The following GNB1 variants were observed in gnomAD, a reference collection of about 807,000 sequenced individuals.
The protein encoded by GNB1 is G protein subunit beta 1.
GNB1 carries 2 observed loss-of-function variants against 42.9 expected under a neutral mutation model. The observed-to-expected ratio is 0.05, with a 90% CI of 0.02 to 0.15. The LOEUF is 0.15. GNB1 is among the 10% of genes least tolerant of loss of function. The pLI is 1.00. For missense variants in GNB1, 193 were observed against 462.2 expected (o/e 0.42, Z 5.34); for synonymous variants, 183 against 174.7 (o/e 1.05, Z -0.38).
chr1:1,847,023 G>GA (rs1456735359), intron 1 of GNB1, among the ~76,000 whole-genome samples: 1 of 152,010 alleles, frequency 6.6e-6, no homozygotes, highest in South Asian at 2.1e-4. Context: ...AATCATTGAG[G>GA]AAAAGAAAAT....
chr1:1,843,918 G>A (rs1487694077), intron 1 of GNB1, among the ~76,000 whole-genome samples: 3 of 151,890 alleles, frequency 2.0e-5, no homozygotes, highest in Non-Finnish European at 4.4e-5. Flanking sequence ...ATTACTGGCC[G>A]GGTGCGGTGG....
At chr1:1,880,375 C>A (rs773894601) in intron 1 of GNB1, among the ~76,000 whole-genome samples, 38 of 151,944 alleles carry the variant, frequency 2.5e-4, no homozygotes, top group Non-Finnish European at 2.4e-4. Flanking sequence ...CCGAGGCAGG[C>A]GGATCACGAG....
intron 3 of GNB1, among the ~76,000 whole-genome samples, chr1:1,821,516 C>T (rs4648726): frequency 0.83 from 125,999 of 152,180 alleles, 54,016 homozygotes; most frequent in Non-Finnish European, 0.95. Flanking sequence ...TTAACAAGCA[C>T]GTATTCCTTG....
chr1:1,885,004 G>A (rs1344947744), intron 1 of GNB1, among the ~76,000 whole-genome samples: 1 of 151,974 alleles, frequency 6.6e-6, no homozygotes, highest in Admixed American at 6.6e-5. Context: ...TCTAACAGGT[G>A]AATGAATTAA....
chr1:1,874,299 T>C (rs887924749), intron 1 of GNB1, among the ~76,000 whole-genome samples: 2 of 151,956 alleles, frequency 1.3e-5, no homozygotes, highest in Admixed American at 6.6e-5. Flanking sequence ...CAAAACCCTG[T>C]CTCTACTAAA....
In GNB1 at chr1:1,812,407, T is replaced by TACATAC. The variant is rs1553195491; in HGVS notation, c.203+3348_203+3349insGTATGT. ...ATGTATATATATACACACACATACA[T>TACATAC]ACACACACACACACACACACACCCT... On this transcript the variant is annotated intron_variant, in intron 5 of 11. Transcript: ENST00000378609. Among the ~76,000 whole-genome samples, 542 of 146,300 alleles carry TACATAC rather than the reference T, an allele frequency of 3.7e-3. 12 individuals are homozygous for TACATAC. Among genetic ancestry groups the TACATAC allele is most frequent in the Admixed American group, 0.031 (458 of 14,632 alleles).
intron 2 of GNB1, among the ~76,000 whole-genome samples, chr1:1,825,935 AT>A: frequency 6.6e-6 from 1 of 152,256 alleles, no homozygotes; most frequent in Middle Eastern, 3.4e-3. Flanking sequence ...TTCAGCATTC[AT>A]CAGAACTTAT....
At chr1:1,822,990 C>A (rs1165397608) in intron 3 of GNB1, among the ~76,000 whole-genome samples, 2 of 151,982 alleles carry the variant, frequency 1.3e-5, no homozygotes, top group African/African-American at 4.8e-5. Context: ...TGCCTGTAAT[C>A]CCCGCACTTT....
chr1:1,817,721 G>T (rs1570663332), intron 4 of GNB1, 116 bp downstream of exon 4: 19 of 647,236 alleles, frequency 2.9e-5, no homozygotes, highest in East Asian at 5.3e-5. Flanking sequence ...GCAGTGGCTT[G>T]GCATCCTCAC....
intron 1 of GNB1, among the ~76,000 whole-genome samples, chr1:1,866,432 C>A (rs951766296): frequency 6.6e-6 from 1 of 152,174 alleles, no homozygotes; most frequent in Non-Finnish European, 1.5e-5. Flanking sequence ...GTCATCTCTT[C>A]ATGCCAATAA....
intron 1 of GNB1, among the ~76,000 whole-genome samples, chr1:1,889,636 T>G (rs1650357716): frequency 6.7e-6 from 1 of 149,958 alleles, no homozygotes; most frequent in African/African-American, 2.5e-5. Context: ...ACAGGATCTC[T>G]TTTACAAAGA....
chr1:1,839,953 G>A (rs574632452), intron 1 of GNB1, among the ~76,000 whole-genome samples: 7 of 152,030 alleles, frequency 4.6e-5, no homozygotes, highest in African/African-American at 1.7e-4. Flanking sequence ...TCAAGAGTTC[G>A]AGACCAGTCT....
At chr1:1,841,511 A>G (rs1385619377) in intron 1 of GNB1, among the ~76,000 whole-genome samples, 2 of 152,168 alleles carry the variant, frequency 1.3e-5, no homozygotes, top group East Asian at 3.8e-4. Flanking sequence ...TGCTTCTGTA[A>G]TCGCTCCCTC....
intron 1 of GNB1, among the ~76,000 whole-genome samples, chr1:1,871,071 C>G (rs1418451033): frequency 6.6e-6 from 1 of 152,184 alleles, no homozygotes; most frequent in Admixed American, 6.5e-5. Flanking sequence ...CTTCCATCTC[C>G]TATGTTTCAA....
At chr1:1,848,569 C>A (rs1647807376) in intron 1 of GNB1, among the ~76,000 whole-genome samples, 1 of 152,078 alleles carries the variant, frequency 6.6e-6, no homozygotes, top group South Asian at 2.1e-4. Context: ...GGATCCACTT[C>A]CACTCATTAA....
intron 3 of GNB1, among the ~76,000 whole-genome samples, chr1:1,822,726 G>A (rs1488419355): frequency 3.3e-5 from 5 of 152,262 alleles, no homozygotes; most frequent in South Asian, 2.1e-4. Flanking sequence ...AATTCACAAC[G>A]TGACAGGGTC....
chr1:1,850,002 C>A (rs940596363), intron 1 of GNB1, among the ~76,000 whole-genome samples: 1 of 152,046 alleles, frequency 6.6e-6, no homozygotes, highest in South Asian at 2.1e-4. Flanking sequence ...TGGAGTCTCG[C>A]TCTGTACATA....
chr1:1,881,041 G>A (rs1649818113), intron 1 of GNB1, among the ~76,000 whole-genome samples: 2 of 152,240 alleles, frequency 1.3e-5, no homozygotes, highest in Middle Eastern at 3.4e-3. Flanking sequence ...CACACAGCCA[G>A]GAGTTTTCCA....
intron 1 of GNB1, among the ~76,000 whole-genome samples, chr1:1,840,482 C>T (rs761261084): frequency 2.6e-5 from 4 of 152,210 alleles, no homozygotes; most frequent in Non-Finnish European, 4.4e-5. Context: ...GAGCCGAGAT[C>T]GTGCCGCTGC....
Sources: allele counts gnomAD v4.1 joint callset (sites outside exome capture counted in the v4.1 genomes callset), GRCh38; gene constraint gnomAD v4.1.1; transcripts MANE v1.5; gene names NCBI Gene and HGNC (gene_info 2026-07-23, HGNC 2026-07-21).